ATP11A: variants seen among roughly 807,000 people sequenced by gnomAD.
ATP11A encodes the protein phospholipid-transporting ATPase IH.
ATP11A carries 81 observed loss-of-function variants against 154.4 expected under a neutral mutation model. The ratio of observed to expected loss-of-function variants is 0.52; its 90% CI spans 0.44 to 0.63. The LOEUF (loss-of-function observed/expected upper bound fraction) is 0.63. ATP11A is among the 30% of genes least tolerant of loss of function. ATP11A has a pLI of 0.00. For missense variants in ATP11A, 1,316 were observed against 1,474.3 expected, an observed-to-expected ratio of 0.89 and a Z score of 1.76; for synonymous variants, 623 against 585.9, an observed-to-expected ratio of 1.06 and a Z score of -0.91.
Position 112,804,516 on chromosome 13 carries a change from C to T in ATP11A, c.163-441C>T, listed in dbSNP as rs1019393746. On this transcript the variant is annotated intron_variant, in intron 2 of 29. Coordinates refer to ENST00000375645, the MANE Select transcript of ATP11A (RefSeq NM_015205.3). ...CCCCTGAGGCCTCAAAGCCCCTGTG[C>T]CTGAGCTGTGGACAAGAAACACGCC... 2.3e-5 allele frequency among the ~76,000 whole-genome samples: 3 copies of T among 130,250 alleles called. No homozygotes were observed. In the South Asian group the frequency reaches 8.3e-4, roughly 36 times the overall value. The allele number at this position is 130,250 out of a possible 152,430, so 85.4% of individuals were successfully genotyped here.
At chr13:112,814,945 A>G (rs538212387) in intron 5 of ATP11A, among the ~76,000 whole-genome samples, 2 of 152,348 alleles carry the variant, frequency 1.3e-5, no homozygotes, top group South Asian at 4.1e-4. Context: ...ATTTGGGAAG[A>G]GTAACCCTCT....
chr13:112,851,303 G>GA, intron 18 of ATP11A, 85 bp downstream of exon 18: 1 of 1,399,410 alleles, frequency 7.1e-7, no homozygotes, highest in Non-Finnish European at 9.8e-7. Context: ...GAGTGGACGG[G>GA]AGGGAGGCCA....
At chr13:112,722,579 G>A (rs1001401939) in intron 1 of ATP11A, among the ~76,000 whole-genome samples, 11 of 152,152 alleles carry the variant, frequency 7.2e-5, no homozygotes, top group South Asian at 2.1e-4. Flanking sequence ...GGAGGCATCC[G>A]AGTCCCATCA....
intron 18 of ATP11A, 32 bp from the exon 19 acceptor site, chr13:112,854,247 C>A (rs370275524): frequency 6.2e-7 from 1 of 1,609,686 alleles, no homozygotes; most frequent in Admixed American, 1.7e-5. Context: ...ACTGACTTTT[C>A]TCTATGCTGT....
intron 5 of ATP11A, among the ~76,000 whole-genome samples, chr13:112,815,635 T>C (rs2078625540): frequency 6.6e-6 from 1 of 152,270 alleles, no homozygotes. Context: ...TACTTTAGTT[T>C]TTGAAACATT....
At chr13:112,841,292 C>T (rs1264336039) in intron 16 of ATP11A, among the ~76,000 whole-genome samples, 35 of 132,126 alleles carry the variant, frequency 2.6e-4, no homozygotes, top group East Asian at 9.5e-4. Flanking sequence ...AGGCACAAAC[C>T]AGCCGCCTGG....
chr13:112,833,070 GC>G, intron 14 of ATP11A, 47 bp downstream of exon 14: 1 of 1,580,220 alleles, frequency 6.3e-7, no homozygotes, highest in Non-Finnish European at 8.6e-7. Flanking sequence ...ATGTGACTCA[GC>G]CCCTCCCCAG....
intron 1 of ATP11A, among the ~76,000 whole-genome samples, chr13:112,725,828 G>A (rs944843168): frequency 7.9e-5 from 12 of 152,218 alleles, no homozygotes; most frequent in African/African-American, 2.7e-4. Flanking sequence ...AGATCCCTGC[G>A]TGCAGGTGAG....
chr13:112,861,978 C>T (rs1470970364), intron 24 of ATP11A, among the ~76,000 whole-genome samples: 2 of 152,248 alleles, frequency 1.3e-5, no homozygotes, highest in Admixed American at 1.3e-4. Context: ...ATTGAACAGG[C>T]ATAAGGTGTC....
At chr13:112,743,593 C>A (rs1412942318) in intron 1 of ATP11A, among the ~76,000 whole-genome samples, 2 of 151,426 alleles carry the variant, frequency 1.3e-5, no homozygotes, top group African/African-American at 4.9e-5. Context: ...ACGGCATAGG[C>A]AGGTGTTGTA....
chr13:112,739,612 C>T (rs1269392132), intron 1 of ATP11A, among the ~76,000 whole-genome samples: 5 of 152,342 alleles, frequency 3.3e-5, no homozygotes, highest in Admixed American at 2.6e-4. Context: ...TGCAATTCCA[C>T]GCCTAAATAT....
intron 26 of ATP11A, 35 bp from the exon 27 acceptor site, chr13:112,873,538 G>A (rs1472558833): frequency 6.6e-7 from 1 of 1,511,328 alleles, no homozygotes; most frequent in East Asian, 2.3e-5. Context: ...CTGCTCAGAT[G>A]ACACCGTTAA....
chr13:112,711,986 T>G (rs1452225114), intron 1 of ATP11A, among the ~76,000 whole-genome samples: 1 of 152,162 alleles, frequency 6.6e-6, no homozygotes, highest in Non-Finnish European at 1.5e-5. Flanking sequence ...CTCCCAGCCC[T>G]GTTGTCTGGG....
At chr13:112,740,148 C>A (rs61961137) in intron 1 of ATP11A, among the ~76,000 whole-genome samples, 9,236 of 137,724 alleles carry the variant, frequency 0.067, 519 homozygotes, top group African/African-American at 0.16. Flanking sequence ...CTCTCTCTCT[C>A]TATATATATA....
chr13:112,760,705 T>C (rs1328320474), intron 1 of ATP11A, among the ~76,000 whole-genome samples: 2 of 152,232 alleles, frequency 1.3e-5, no homozygotes, highest in East Asian at 3.8e-4. Context: ...CACTGTATTA[T>C]GTAAATATAG....
rs111762833 is a variant in ATP11A, at chr13:112,785,942, A to G, written c.162+685A>G. ...ATGCGGAACGCACGTGCCTGCGTTC[A>G]GACTCCATTTATCTTCACCGTCCTT... On this transcript the variant is annotated intron_variant, in intron 2 of 29. Transcript: ENST00000375645. The surrounding 1 kb of genome is among the most constrained non-coding windows in gnomAD (Gnocchi z 4.8). Among the ~76,000 whole-genome samples, 21 of 147,340 alleles carry G rather than the reference A, an allele frequency of 1.4e-4. No homozygotes were observed. Among genetic ancestry groups the G allele is most frequent in the South Asian group, 6.8e-4 (3 of 4,434 alleles).
At chr13:112,791,194 A>G (rs1040251683) in intron 2 of ATP11A, among the ~76,000 whole-genome samples, 2 of 152,226 alleles carry the variant, frequency 1.3e-5, no homozygotes, top group Non-Finnish European at 1.5e-5. Flanking sequence ...AGGTACAGAG[A>G]GGCAGGAAGC....
intron 2 of ATP11A, among the ~76,000 whole-genome samples, chr13:112,789,227 G>GT (rs1227183359): frequency 6.1e-4 from 90 of 147,842 alleles, no homozygotes; most frequent in African/African-American, 2.2e-3. Context: ...GACCCCTGTG[G>GT]ATACCTACTT....
Position 112,785,284 on chromosome 13 carries a change from A to T in ATP11A, c.162+27A>T. The stretch of plus-strand genomic sequence containing the variant: ...TAACTTGGCTTGGGTCTGAGTGTCC[A>T]TAATGTGTCTAAAAAGCAGCTGCCG... On this transcript the variant is annotated intron_variant, in intron 2 of 29. Transcript: ENST00000375645. The surrounding 1 kb of genome is among the most constrained non-coding windows in gnomAD (Gnocchi z 4.8). 6 of 1,429,494 alleles carry T rather than the reference A, an allele frequency of 4.2e-6. No individual in the cohort carries two copies. The highest frequency in any genetic ancestry group is 5.5e-6 in the Non-Finnish European group (6 of 1,083,136). 88.6% of individuals were successfully genotyped at this position (1,429,494 alleles called of 1,614,324 possible).
Sources: allele counts gnomAD v4.1 joint callset (sites outside exome capture counted in the v4.1 genomes callset), GRCh38; gene constraint gnomAD v4.1.1; non-coding constraint Gnocchi (gnomAD v3.1); transcripts MANE v1.5; gene names NCBI Gene and HGNC (gene_info 2026-07-23, HGNC 2026-07-21).